TSEN2: variants seen among roughly 807,000 people sequenced by gnomAD.
The protein encoded by TSEN2 is tRNA splicing endonuclease subunit 2.
A neutral mutation model predicts 59.2 loss-of-function variants in TSEN2; 54 were observed. The observed-to-expected ratio is 0.91, with a 90% CI of 0.73 to 1.14. The LOEUF (loss-of-function observed/expected upper bound fraction) is 1.14, where lower values mean the gene tolerates loss of function less well. TSEN2 is among the 50% of genes most tolerant of loss of function. The pLI is 0.00. For synonymous variants in TSEN2, 195 were observed against 198.2 expected, an observed-to-expected ratio of 0.98 and a Z score of 0.14; for missense variants, 636 against 576.2, an observed-to-expected ratio of 1.10 and a Z score of -1.06.
rs749188000 is a variant in TSEN2 at position 12,489,824 on chromosome 3, C to G, written c.24C>G (p.Ala8=). MAEAVFH[A]PKRKRRVYET... ...AAATGGCAGAAGCAGTTTTCCATGC[C>G]CCAAAGAGGAAAAGAAGAGTGTATG... Residue 8 remains alanine, a synonymous_variant, in exon 2 of 12, where the codon GCC becomes GCG. Transcript: ENST00000284995. 2.7e-5 allele frequency: 44 copies of G among 1,613,536 alleles called. No individual in the cohort carries two copies. Among genetic ancestry groups the G allele is most frequent in the Non-Finnish European group, 3.4e-5 (40 of 1,180,026 alleles).
chr3:12,524,416 C>G (rs1382102388), intron 8 of TSEN2, among the ~76,000 whole-genome samples: 1 of 152,200 alleles, frequency 6.6e-6, no homozygotes, highest in Non-Finnish European at 1.5e-5. Context: ...TCCAAAGGCT[C>G]TGGGAGAGAA....
intron 3 of TSEN2, among the ~76,000 whole-genome samples, chr3:12,495,244 T>A (rs1256526540): frequency 3.3e-5 from 5 of 151,920 alleles, no homozygotes; most frequent in Admixed American, 3.3e-4. Flanking sequence ...GAAATTATTT[T>A]GAGTAACTTT....
rs780875999 is a variant in TSEN2, at chr3:12,503,574, G to C, written c.621G>C (p.Glu207Asp). 6.2e-7 allele frequency: 1 copy of C among 1,605,432 alleles called. No homozygotes were observed. Among genetic ancestry groups the C allele is most frequent in the Admixed American group, 1.7e-5 (1 of 59,524 alleles). The change falls in exon 5 of 12, where the codon GAG becomes GAC. Residue 207 changes from glutamate to aspartate, a missense_variant. By Grantham distance (45) the Glu-to-Asp change is conservative (BLOSUM62 2). Transcript: ENST00000284995. ...GCCACCCAACAACAGAGAGCTTTGA[G>C]AAAAGCGTGCGAGAGGATGCCTCAC... ...SGCHPTTESFEKSVREDASPL... is the reference protein window; with the variant it reads ...SGCHPTTESFDKSVREDASPL...
chr3:12,504,955 C>G lies in TSEN2; in HGVS notation c.832-199C>G, dbSNP rs370052447. On this transcript the variant is annotated intron_variant, in intron 5 of 11. Transcript: ENST00000284995. ...ATTTGAGGCCTCAGTGAGCTATGAT[C>G]ACACCACTGCACTCCAGCCTGGGCA... Among the ~76,000 whole-genome samples, 16 of 152,306 alleles carry G rather than the reference C, an allele frequency of 1.1e-4. 1 individual carries two copies. Among genetic ancestry groups the G allele is most frequent in the Admixed American group, 7.8e-4 (12 of 15,306 alleles).
downstream of TSEN2, among the ~76,000 whole-genome samples, chr3:12,535,536 G>C (rs538356668): frequency 9.9e-5 from 15 of 151,904 alleles, no homozygotes; most frequent in African/African-American, 3.4e-4. Flanking sequence ...TCTTTCTAAC[G>C]TTGTGTGTGT....
intron 11 of TSEN2, among the ~76,000 whole-genome samples, chr3:12,531,978 G>A (rs1027751010): frequency 6.6e-6 from 1 of 152,208 alleles, no homozygotes; most frequent in African/African-American, 2.4e-5. Context: ...CCAGAGACCA[G>A]AGGTGTCCCT....
chr3:12,524,328 A>G (rs2056906478), intron 8 of TSEN2, among the ~76,000 whole-genome samples: 1 of 152,198 alleles, frequency 6.6e-6, no homozygotes, highest in Admixed American at 6.6e-5. Context: ...GGGTGGCTTA[A>G]AAGCAACAAA....
intron 1 of TSEN2, among the ~76,000 whole-genome samples, chr3:12,485,499 A>G (rs1365573114): frequency 1.3e-5 from 2 of 152,196 alleles, no homozygotes; most frequent in Non-Finnish European, 2.9e-5. Context: ...GGAAATAAAA[A>G]TAGTCTTTAC....
intron 2 of TSEN2, among the ~76,000 whole-genome samples, chr3:12,491,729 G>T (rs892255367): frequency 3.9e-5 from 6 of 152,182 alleles, no homozygotes; most frequent in Admixed American, 6.5e-5. Flanking sequence ...CGAACCTCTT[G>T]TTAACTCAGA....
intron 7 of TSEN2, among the ~76,000 whole-genome samples, chr3:12,518,466 C>T (rs2125156446): frequency 6.6e-6 from 1 of 152,262 alleles, no homozygotes; most frequent in Admixed American, 6.5e-5. Flanking sequence ...CCACCCCCTC[C>T]AGTCCTTTTC....
chr3:12,539,445 C>T, exon 11 of TSEN2: 1 of 199,482 alleles, frequency 5.0e-6, no homozygotes, highest in South Asian at 7.0e-5. Flanking sequence ...TTAGCATGTG[C>T]TTTTAAAGTA....
chr3:12,493,981 C>A (rs2053491808), intron 3 of TSEN2, among the ~76,000 whole-genome samples: 1 of 152,006 alleles, frequency 6.6e-6, no homozygotes, highest in African/African-American at 2.4e-5. Flanking sequence ...GTCTTTGGTC[C>A]ATTTTGTGTT....
At chr3:12,532,529 G>T in intron 11 of TSEN2, 133 bp from the exon 12 acceptor site, 1 of 799,640 alleles carries the variant, frequency 1.3e-6, no homozygotes, top group Admixed American at 2.2e-5. Flanking sequence ...AGATGTTTCT[G>T]TTCTAAAGGT....
intron 7 of TSEN2, among the ~76,000 whole-genome samples, chr3:12,517,946 A>T (rs1282375445): frequency 6.6e-6 from 1 of 152,196 alleles, no homozygotes; most frequent in African/African-American, 2.4e-5. Flanking sequence ...TGCAAAAAAA[A>T]AACAACTCTA....
chr3:12,516,442 A>ATTG (rs1491196550), intron 6 of TSEN2, among the ~76,000 whole-genome samples, 169 bp from the exon 7 acceptor site: 6 of 89,176 alleles, frequency 6.7e-5, no homozygotes, highest in Admixed American at 1.4e-4. Flanking sequence ...AACAAACAAA[A>ATTG]TATATGTGTG....
intron 11 of TSEN2, 77 bp downstream of exon 11, chr3:12,531,736 G>T: frequency 1.0e-6 from 1 of 964,748 alleles, no homozygotes. Flanking sequence ...GTGGTCCCAA[G>T]AAAATACATG....
intron 6 of TSEN2, chr3:12,506,615 C>T (rs1354103750): frequency 4.5e-5 from 40 of 881,620 alleles, no homozygotes; most frequent in Non-Finnish European, 4.9e-5. Flanking sequence ...AGTGGCCTTC[C>T]ATAAACTGCA....
At chr3:12,510,480 C>A (rs1322341614) in intron 6 of TSEN2, among the ~76,000 whole-genome samples, 1 of 152,144 alleles carries the variant, frequency 6.6e-6, no homozygotes, top group Admixed American at 6.5e-5. Flanking sequence ...AAAATAAAGA[C>A]AATAGTCCCC....
chr3:12,526,180 A>C (rs965811814), intron 8 of TSEN2, among the ~76,000 whole-genome samples: 6 of 152,088 alleles, frequency 3.9e-5, no homozygotes, highest in South Asian at 4.2e-4. Context: ...CTCTCTCTCT[A>C]TATATGTGTA....
Sources: allele counts gnomAD v4.1 joint callset (sites outside exome capture counted in the v4.1 genomes callset), GRCh38; gene constraint gnomAD v4.1.1; transcripts MANE v1.5; gene names NCBI Gene and HGNC (gene_info 2026-07-23, HGNC 2026-07-21).